TPD52: variants seen among roughly 807,000 people sequenced by gnomAD.
The protein encoded by TPD52 is prostate and colon associated protein.
In TPD52, 17 loss-of-function variants were observed where a neutral mutation model predicts 31.3. The observed-to-expected ratio is 0.54, with a 90% confidence interval of 0.37 to 0.82. The LOEUF (loss-of-function observed/expected upper bound fraction) is 0.82. Ranked by LOEUF, TPD52 falls within the 40% of genes least tolerant of loss-of-function variation. The pLI is 0.00. For synonymous variants in TPD52, 83 were observed against 89.6 expected, an observed-to-expected ratio of 0.93 and a Z score of 0.42; for missense variants, 212 against 240.1, an observed-to-expected ratio of 0.88 and a Z score of 0.77.
At chr8:80,130,420 C>T (rs918761222) in intron 1 of TPD52, among the ~76,000 whole-genome samples, 5 of 152,058 alleles carry the variant, frequency 3.3e-5, no homozygotes, top group Admixed American at 2.6e-4. Flanking sequence ...TTTTTTAGCC[C>T]TCTGATTTCT....
At chr8:80,159,858 TA>T (rs1297926067) in intron 1 of TPD52, among the ~76,000 whole-genome samples, 1 of 152,192 alleles carries the variant, frequency 6.6e-6, no homozygotes, top group African/African-American at 2.4e-5. Context: ...AACATTTCTT[TA>T]AAAAGTATGA....
intron 1 of TPD52, among the ~76,000 whole-genome samples, chr8:80,145,024 G>A (rs1810097129): frequency 6.6e-6 from 1 of 152,158 alleles, no homozygotes; most frequent in African/African-American, 2.4e-5. Context: ...ACCACATGAG[G>A]TTCAAAATGA....
At chr8:80,167,537 G>A (rs1249480230) in intron 1 of TPD52, among the ~76,000 whole-genome samples, 1 of 152,198 alleles carries the variant, frequency 6.6e-6, no homozygotes, top group Non-Finnish European at 1.5e-5. Context: ...GCACCATATG[G>A]AAATCACGAA....
At chr8:80,143,435 GCTCCTTTGGGACATACATTT>G (rs1373422528) in intron 1 of TPD52, among the ~76,000 whole-genome samples, 1 of 152,104 alleles carries the variant, frequency 6.6e-6, no homozygotes, top group Non-Finnish European at 1.5e-5. Context: ...TAAAAGTTTG[GCTCCTTTGGGACATACATTT>G]CTCTTTGACC....
chr8:80,061,976 T>G (rs1423002020), intron 2 of TPD52, among the ~76,000 whole-genome samples: 2 of 152,206 alleles, frequency 1.3e-5, no homozygotes, highest in Non-Finnish European at 2.9e-5. Flanking sequence ...AGACTTAATA[T>G]TGTTAAGATG....
At chr8:80,143,625 T>C (rs553432999) in intron 1 of TPD52, among the ~76,000 whole-genome samples, 12 of 152,334 alleles carry the variant, frequency 7.9e-5, no homozygotes, top group Non-Finnish European at 1.5e-4. Context: ...ATTTCTCTCT[T>C]TTTTTAAGCT....
In TPD52 at chr8:80,073,478, C is replaced by T. The variant is rs75963631; in HGVS notation, c.20-8885G>A. On this transcript the variant is annotated intron_variant, in intron 1 of 7. Transcript: ENST00000518937. ...CTTGGCTGAGAAACAGTTCTTGGCT[C>T]TGGGAATAAGAACCTACGGTCCAGT... is the stretch of plus-strand genomic sequence containing the variant. Among the ~76,000 whole-genome samples the T allele has an allele frequency of 9.5e-3, 1,453 of 152,322 alleles. 13 individuals carry two copies. The highest frequency in any genetic ancestry group is 0.014 in the Non-Finnish European group (985 of 68,030).
chr8:80,128,836 A>G (rs1236306038), intron 1 of TPD52, among the ~76,000 whole-genome samples: 1 of 151,684 alleles, frequency 6.6e-6, no homozygotes, highest in African/African-American at 2.4e-5. Context: ...TCACTTCTTC[A>G]TTTGTTTCAT....
chr8:80,137,722 C>T, intron 1 of TPD52, among the ~76,000 whole-genome samples: 1 of 152,094 alleles, frequency 6.6e-6, no homozygotes, highest in African/African-American at 2.4e-5. Flanking sequence ...ACAGCAGTAC[C>T]AAGTTTATAA....
At chr8:80,145,033 G>A (rs946137463) in intron 1 of TPD52, among the ~76,000 whole-genome samples, 1 of 152,156 alleles carries the variant, frequency 6.6e-6, no homozygotes, top group South Asian at 2.1e-4. Context: ...GGTTCAAAAT[G>A]AGCAACTAAC....
intron 1 of TPD52, among the ~76,000 whole-genome samples, chr8:80,118,701 G>A (rs1808042765): frequency 6.6e-6 from 1 of 152,164 alleles, no homozygotes; most frequent in African/African-American, 2.4e-5. Flanking sequence ...AGACATCAGG[G>A]AGATGCAAAT....
chr8:80,163,418 C>A (rs1363642133), intron 1 of TPD52, among the ~76,000 whole-genome samples: 6 of 152,068 alleles, frequency 3.9e-5, no homozygotes, highest in Non-Finnish European at 7.4e-5. Context: ...AGTGGTCAAA[C>A]TCATAAAATC....
chr8:80,050,224 T>G, intron 5 of TPD52: 1 of 400,756 alleles, frequency 2.5e-6, no homozygotes. Flanking sequence ...CCATATCCCT[T>G]GAACCACAGT....
At chr8:80,105,010 A>C (rs1452269467) in intron 1 of TPD52, among the ~76,000 whole-genome samples, 1 of 152,154 alleles carries the variant, frequency 6.6e-6, no homozygotes, top group African/African-American at 2.4e-5. Flanking sequence ...CAGTGAGCTG[A>C]GATGTGCCAC....
rs760668777 is a variant in TPD52, at chr8:80,103,599, A to AGATACAGT, written c.20-39014_20-39007dup. ...TGACCTCTGGGAGCAACAAGCAAACAGATACAGTTACCCCACAGAGCCCCT... is the reference window on the plus strand; with the variant it reads ...TGACCTCTGGGAGCAACAAGCAAACAGATACAGTGATACAGTTACCCCACAGAGCCCCT... On this transcript the variant is annotated intron_variant, in intron 1 of 7. Coordinates refer to ENST00000518937, the MANE Select transcript of TPD52 (RefSeq NM_001025253.3). Among the ~76,000 whole-genome samples, 213 of 152,362 alleles carry AGATACAGT rather than the reference A, an allele frequency of 1.4e-3. 1 individual carries two copies. Among genetic ancestry groups the AGATACAGT allele is most frequent in the Middle Eastern group, 6.8e-3 (2 of 294 alleles).
Position 80,132,436 on chromosome 8 carries a change from G to A in TPD52, c.19+38989C>T, listed in dbSNP as rs539262095. Among the ~76,000 whole-genome samples the A allele has an allele frequency of 2.0e-5, 3 of 152,188 alleles. No individual in the cohort carries two copies. In the South Asian group the frequency reaches 6.2e-4, roughly 32 times the overall value. On this transcript the variant is annotated intron_variant, in intron 1 of 7. Transcript: ENST00000518937. ...TTGTCCAGGCTGGTCTCAAACTCTT[G>A]CACTCAAGTGATCCATCCACCTCAG...
At position 80,034,874 on chromosome 8, in the gene TPD52, T is replaced by C. The variant is rs1005533831; in HGVS notation, c.*3242A>G. 6.6e-6 allele frequency: 1 copy of C among 152,240 alleles called. No homozygotes were observed. The highest frequency in any genetic ancestry group is 1.5e-5 in the Non-Finnish European group (1 of 68,042). 9.4% of individuals were successfully genotyped at this position (152,240 alleles called of 1,614,324 possible). On this transcript the variant is annotated 3_prime_UTR_variant, in exon 8 of 8. Transcript: ENST00000518937. Reference sequence around the variant, plus strand: ...ACATGAGAGCTGGCAAGAATTTTAGTTGCCAAATAGCATTTATTTGAGTAC... The same window carrying C: ...ACATGAGAGCTGGCAAGAATTTTAGCTGCCAAATAGCATTTATTTGAGTAC...
intron 1 of TPD52, among the ~76,000 whole-genome samples, chr8:80,140,266 T>A (rs546228522): frequency 6.6e-5 from 10 of 152,234 alleles, no homozygotes; most frequent in Admixed American, 5.2e-4. Flanking sequence ...CCCAAATGCC[T>A]GGGAAGGTAG....
chr8:80,052,722 C>T (rs1351734791), intron 3 of TPD52: 3 of 1,249,788 alleles, frequency 2.4e-6, no homozygotes, highest in African/African-American at 1.5e-5. Flanking sequence ...TATATCATAG[C>T]ATGTGTGGTC....
Sources: allele counts gnomAD v4.1 joint callset (sites outside exome capture counted in the v4.1 genomes callset), GRCh38; gene constraint gnomAD v4.1.1; transcripts MANE v1.5; gene names NCBI Gene and HGNC (gene_info 2026-07-23, HGNC 2026-07-21).